The following DLGAP2 variants were observed in gnomAD, a reference collection of about 807,000 sequenced individuals.
DLGAP2 encodes disks large-associated protein 2.
In DLGAP2, 26 loss-of-function variants were observed where a neutral mutation model predicts 100.3. The observed-to-expected ratio is 0.26, with a 90% CI of 0.19 to 0.36. The LOEUF (loss-of-function observed/expected upper bound fraction) is 0.36, where lower values mean the gene tolerates loss of function less well. Ranked by LOEUF, DLGAP2 falls within the 10% of genes least tolerant of loss-of-function variation. The pLI, the probability that DLGAP2 is intolerant of heterozygous loss-of-function variation, is 1.00. For synonymous variants in DLGAP2, 886 were observed against 630.1 expected (o/e 1.41, Z -6.08); for missense variants, 1,858 against 1,453.2 (o/e 1.28, Z -4.53).
At chr8:1,011,878 G>A (rs528048672) in intron 2 of DLGAP2, among the ~76,000 whole-genome samples, 2 of 152,308 alleles carry the variant, frequency 1.3e-5, no homozygotes, top group African/African-American at 2.4e-5. Flanking sequence ...AGGAGTTGTG[G>A]ATGGACGTTT....
chr8:1,147,268 A>T (rs1284946115), intron 2 of DLGAP2, among the ~76,000 whole-genome samples: 1 of 151,688 alleles, frequency 6.6e-6, no homozygotes, highest in African/African-American at 2.4e-5. Context: ...CAAAAAAATG[A>T]TGCTTTTGTA....
At chr8:756,292 G>A (rs1003283337) in intron 1 of DLGAP2, among the ~76,000 whole-genome samples, 2 of 152,102 alleles carry the variant, frequency 1.3e-5, no homozygotes, top group Non-Finnish European at 2.9e-5. Flanking sequence ...GGTCATGGCC[G>A]GATAGGGAGC....
chr8:773,957 C>T (rs918737543), intron 1 of DLGAP2, among the ~76,000 whole-genome samples: 4 of 152,214 alleles, frequency 2.6e-5, no homozygotes, highest in Middle Eastern at 3.2e-3. Context: ...AGTTTACAGT[C>T]CCACTAACAG....
At chr8:1,178,902 C>G (rs548102777) in intron 2 of DLGAP2, among the ~76,000 whole-genome samples, 10 of 152,292 alleles carry the variant, frequency 6.6e-5, no homozygotes, top group African/African-American at 2.4e-4. Context: ...CTGCCCCACA[C>G]CATTGCCCCT....
At chr8:1,322,746 T>A (rs1800934866) in intron 3 of DLGAP2, among the ~76,000 whole-genome samples, 1 of 152,360 alleles carries the variant, frequency 6.6e-6, no homozygotes, top group Non-Finnish European at 1.5e-5. Flanking sequence ...TTTCTTGCCC[T>A]GGGAAACATA....
chr8:1,614,106 C>T (rs1294116459), intron 6 of DLGAP2, among the ~76,000 whole-genome samples: 2 of 152,112 alleles, frequency 1.3e-5, no homozygotes, highest in African/African-American at 4.8e-5. Flanking sequence ...GCCCTGGCTT[C>T]AGCGGTGACT....
At chr8:1,264,203 G>C (rs962796445) in intron 3 of DLGAP2, among the ~76,000 whole-genome samples, 7 of 152,132 alleles carry the variant, frequency 4.6e-5, no homozygotes, top group African/African-American at 1.4e-4. Context: ...CAAGAACTAA[G>C]AAGGAATTCC....
chr8:1,520,642 G>T (rs1231242244), intron 4 of DLGAP2, among the ~76,000 whole-genome samples: 1 of 152,130 alleles, frequency 6.6e-6, no homozygotes, highest in East Asian at 1.9e-4. Flanking sequence ...TACCTTTGTA[G>T]TTCTGCCTTT....
At chr8:1,366,466 G>T (rs547580011) in intron 3 of DLGAP2, among the ~76,000 whole-genome samples, 3 of 152,288 alleles carry the variant, frequency 2.0e-5, no homozygotes, top group South Asian at 2.1e-4. Flanking sequence ...CATCTGAAGT[G>T]GGGGGCAGCC....
In DLGAP2 at chr8:966,028, G is replaced by A. The variant is rs997268427; in HGVS notation, c.73+58062G>A. Among the ~76,000 whole-genome samples, 3 of 152,182 alleles carry A rather than the reference G, an allele frequency of 2.0e-5. 1 individual carries two copies. Among genetic ancestry groups the A allele is most frequent in the South Asian group, 2.1e-4 (1 of 4,832 alleles). On this transcript the variant is annotated intron_variant, in intron 2 of 14. Coordinates refer to ENST00000637795, the MANE Select transcript of DLGAP2 (RefSeq NM_001346810.2). Reference sequence around the variant, plus strand: ...GACTCTCAGCTCTGCCGTGACCCCCGTGGTCTCCCAAGGACAAGCGCCATT... The same window carrying A: ...GACTCTCAGCTCTGCCGTGACCCCCATGGTCTCCCAAGGACAAGCGCCATT...
intron 3 of DLGAP2, among the ~76,000 whole-genome samples, chr8:1,353,586 A>G (rs1336029279): frequency 6.6e-6 from 1 of 152,158 alleles, no homozygotes; most frequent in Non-Finnish European, 1.5e-5. Flanking sequence ...AATGCTTTCC[A>G]TTTAAGATGG....
intron 2 of DLGAP2, among the ~76,000 whole-genome samples, chr8:1,174,346 C>T (rs889578272): frequency 3.3e-5 from 5 of 151,702 alleles, no homozygotes; most frequent in Non-Finnish European, 5.9e-5. Context: ...CCATTACCAC[C>T]ATCATTACCA....
At chr8:1,360,718 G>T (rs1801963751) in intron 3 of DLGAP2, among the ~76,000 whole-genome samples, 2 of 152,158 alleles carry the variant, frequency 1.3e-5, no homozygotes, top group South Asian at 4.1e-4. Context: ...GAGATCGGTG[G>T]CCTCGTTCTT....
Position 1,701,432 on chromosome 8 carries a change from G to A in DLGAP2, c.*26G>A, listed in dbSNP as rs768355399. ...GGGCGGAGGCCGGCGCCTTCCCCTC[G>A]TCGCTTCCGCTTTCCCGGACGCTTG... On this transcript the variant is annotated 3_prime_UTR_variant, in exon 15 of 15. Coordinates refer to ENST00000637795, the MANE Select transcript of DLGAP2 (RefSeq NM_001346810.2). 2.6e-6 allele frequency: 4 copies of A among 1,553,846 alleles called. No homozygotes were observed. Among genetic ancestry groups the A allele is most frequent in the African/African-American group, 1.4e-5 (1 of 73,140 alleles).
chr8:748,823 G>C (rs754858833), intron 1 of DLGAP2, among the ~76,000 whole-genome samples: 55 of 152,174 alleles, frequency 3.6e-4, no homozygotes, highest in Non-Finnish European at 4.4e-4. Context: ...GAAACCCCGG[G>C]GTTACTGCTT....
At chr8:940,310 C>A (rs1799165566) in intron 2 of DLGAP2, among the ~76,000 whole-genome samples, 1 of 151,828 alleles carries the variant, frequency 6.6e-6, no homozygotes, top group Non-Finnish European at 1.5e-5. Flanking sequence ...ATGCCTGCGA[C>A]ATGAGGTGGT....
At chr8:1,119,271 C>T (rs1474774186) in intron 2 of DLGAP2, among the ~76,000 whole-genome samples, 2 of 152,130 alleles carry the variant, frequency 1.3e-5, no homozygotes, top group African/African-American at 2.4e-5. Flanking sequence ...TTTATTTCAG[C>T]CTTTGACATA....
At chr8:983,026 G>A (rs1563127578) in intron 2 of DLGAP2, among the ~76,000 whole-genome samples, 1 of 151,900 alleles carries the variant, frequency 6.6e-6, no homozygotes, top group African/African-American at 2.4e-5. Context: ...ATAGGGAGCT[G>A]TTTGAAAAAT....
chr8:1,010,015 C>G (rs374862725), intron 2 of DLGAP2, among the ~76,000 whole-genome samples: 7 of 152,334 alleles, frequency 4.6e-5, no homozygotes, highest in African/African-American at 1.7e-4. Context: ...ACACCTTATG[C>G]TAAAAAGAAT....
Sources: allele counts gnomAD v4.1 joint callset (sites outside exome capture counted in the v4.1 genomes callset), GRCh38; gene constraint gnomAD v4.1.1; transcripts MANE v1.5; gene names NCBI Gene and HGNC (gene_info 2026-07-23, HGNC 2026-07-21).